The following SCML4 variants were observed in gnomAD, a reference collection of about 807,000 sequenced individuals.
SCML4 encodes sex comb on midleg-like protein 4.
A neutral mutation model predicts 41.1 loss-of-function variants in SCML4; 34 were observed. That is an observed-to-expected ratio of 0.83 (90% CI 0.63 to 1.10). SCML4 has a LOEUF of 1.10. SCML4 is among the 50% of genes least tolerant of loss of function. The probability of loss-of-function intolerance (pLI) is 0.00; values close to 1 mark genes in which losing one functional copy is unlikely to be tolerated. For missense variants in SCML4, 522 were observed against 534.1 expected (o/e 0.98, Z 0.22); for synonymous variants, 214 against 220.9 (o/e 0.97, Z 0.28).
intron 1 of SCML4, among the ~76,000 whole-genome samples, chr6:107,798,305 G>C (rs1218718124): frequency 2.0e-5 from 3 of 151,848 alleles, no homozygotes; most frequent in African/African-American, 7.2e-5. Context: ...TTTTAATATA[G>C]AAGGCTTTTC....
chr6:107,741,056 G>A (rs931622613), intron 5 of SCML4, among the ~76,000 whole-genome samples: 1 of 152,188 alleles, frequency 6.6e-6, no homozygotes, highest in African/African-American at 2.4e-5. Flanking sequence ...GTGTGGGGCA[G>A]TCATTATGTC....
chr6:107,773,302 G>A (rs1780660557), intron 1 of SCML4, among the ~76,000 whole-genome samples: 1 of 151,984 alleles, frequency 6.6e-6, no homozygotes, highest in South Asian at 2.1e-4. Flanking sequence ...GAATAATAAG[G>A]CCGGGCACAC....
chr6:107,763,746 A>T (rs568350875), intron 2 of SCML4, among the ~76,000 whole-genome samples: 1 of 152,212 alleles, frequency 6.6e-6, no homozygotes, highest in African/African-American at 2.4e-5. Flanking sequence ...TGTCTCCACC[A>T]TGTGAGGACA....
chr6:107,706,779 C>T (rs747194026), intron 7 of SCML4, among the ~76,000 whole-genome samples: 166 of 151,982 alleles, frequency 1.1e-3, no homozygotes, highest in Admixed American at 7.2e-3. Context: ...GATGGCAGCC[C>T]GAGCAGCCGA....
intron 6 of SCML4, 177 bp downstream of exon 6, chr6:107,720,526 G>T: frequency 7.2e-7 from 1 of 1,382,228 alleles, no homozygotes. Context: ...CTTATCAAAG[G>T]TTGAGTTTGG....
At chr6:107,800,364 A>T (rs1194626610) in intron 1 of SCML4, among the ~76,000 whole-genome samples, 1 of 152,134 alleles carries the variant, frequency 6.6e-6, no homozygotes, top group Non-Finnish European at 1.5e-5. Flanking sequence ...CCTACAATTG[A>T]GTTGAACTAG....
At chr6:107,728,340 G>A (rs760722059) in intron 5 of SCML4, among the ~76,000 whole-genome samples, 17 of 152,196 alleles carry the variant, frequency 1.1e-4, no homozygotes, top group Non-Finnish European at 1.6e-4. Context: ...GCCAGGCACC[G>A]TGGCTCATGC....
chr6:107,777,082 C>T (rs1044600049), intron 1 of SCML4, among the ~76,000 whole-genome samples: 1 of 152,136 alleles, frequency 6.6e-6, no homozygotes, highest in Non-Finnish European at 1.5e-5. Context: ...GATGCTCTTC[C>T]TTTCCTCTTT....
chr6:107,728,677 A>T (rs983011823), intron 5 of SCML4, among the ~76,000 whole-genome samples: 2 of 152,230 alleles, frequency 1.3e-5, no homozygotes, highest in Non-Finnish European at 2.9e-5. Context: ...AGGTAATAAA[A>T]GCTAACCTCT....
chr6:107,811,878 G>A (rs1406175856), intron 1 of SCML4, among the ~76,000 whole-genome samples: 7 of 152,286 alleles, frequency 4.6e-5, no homozygotes, highest in South Asian at 2.1e-4. Flanking sequence ...CAGTCGTGGC[G>A]TCTATGATGT....
intron 1 of SCML4, among the ~76,000 whole-genome samples, chr6:107,789,587 C>T (rs1274688715): frequency 6.6e-6 from 1 of 152,220 alleles, no homozygotes; most frequent in African/African-American, 2.4e-5. Flanking sequence ...AAACAGCCAC[C>T]ACACACACTT....
At chr6:107,711,524 A>C (rs537162558) in intron 6 of SCML4, among the ~76,000 whole-genome samples, 1 of 152,360 alleles carries the variant, frequency 6.6e-6, no homozygotes, top group South Asian at 2.1e-4. Flanking sequence ...GTGCAAGTAC[A>C]ACCTATGATT....
chr6:107,749,743 C>A lies in SCML4; in HGVS notation c.227G>T (p.Ser76Ile). 1 of 1,614,030 alleles carries A rather than the reference C, an allele frequency of 6.2e-7. No homozygotes were observed. The highest frequency in any genetic ancestry group is 1.1e-5 in the South Asian group (1 of 91,062). ...PPRSTPEPDL[S>I]SIPQDAATVP... ...CGTGGCTGCGTCCTGAGGGATGGAG[C>A]TGAGGTCGGGCTCTGGGGTACTCCG... The change falls in exon 3 of 8, where the codon AGC becomes ATC. Residue 76 changes from serine to isoleucine, a missense_variant. Coordinates refer to ENST00000369020, the MANE Select transcript of SCML4 (RefSeq NM_198081.5).
chr6:107,816,723 C>T (rs1414889171), intron 1 of SCML4, among the ~76,000 whole-genome samples: 1 of 152,200 alleles, frequency 6.6e-6, no homozygotes, highest in African/African-American at 2.4e-5. Context: ...GGCTTCACTT[C>T]GAGATCACTT....
chr6:107,799,275 T>A (rs762841247), intron 1 of SCML4, among the ~76,000 whole-genome samples: 79 of 152,334 alleles, frequency 5.2e-4, no homozygotes, highest in Middle Eastern at 3.4e-3. Flanking sequence ...GAGTTTCATA[T>A]CTTCTTGATG....
At chr6:107,799,539 G>T (rs1782950665) in intron 1 of SCML4, among the ~76,000 whole-genome samples, 1 of 152,030 alleles carries the variant, frequency 6.6e-6, no homozygotes, top group South Asian at 2.1e-4. Flanking sequence ...ATATGTGTTT[G>T]CTCCATTTAT....
In SCML4 at chr6:107,803,442, C is replaced by A. The variant is rs1371194577; in HGVS notation, c.-60+20684G>T. Among the ~76,000 whole-genome samples, 102 of 149,504 alleles carry A rather than the reference C, an allele frequency of 6.8e-4. 1 individual carries two copies. Among genetic ancestry groups the A allele is most frequent in the African/African-American group, 2.5e-3 (99 of 40,300 alleles). On this transcript the variant is annotated intron_variant, in intron 1 of 7. Coordinates refer to ENST00000369020, the MANE Select transcript of SCML4 (RefSeq NM_198081.5). ...GAGGGAGGTGGGGGGGTCAGCCCCCCGCCCGGCCAGCCGCCCGGTCCGGGA... is the reference window on the plus strand; with the variant it reads ...GAGGGAGGTGGGGGGGTCAGCCCCCAGCCCGGCCAGCCGCCCGGTCCGGGA...
chr6:107,839,361 GAA>G, the SCML4 span, among the ~76,000 whole-genome samples: 8 of 31,774 alleles, frequency 2.5e-4, no homozygotes, highest in Non-Finnish European at 3.7e-4. Context: ...AAGAAAGAAA[GAA>G]AGAAGGAAAG....
the SCML4 span, among the ~76,000 whole-genome samples, chr6:107,835,998 T>C: frequency 6.6e-6 from 1 of 152,146 alleles, no homozygotes; most frequent in African/African-American, 2.4e-5. Context: ...CAGTTTGTGG[T>C]TGTATTTCGA....
Sources: allele counts gnomAD v4.1 joint callset (sites outside exome capture counted in the v4.1 genomes callset), GRCh38; gene constraint gnomAD v4.1.1; transcripts MANE v1.5; gene names NCBI Gene and HGNC (gene_info 2026-07-23, HGNC 2026-07-21).